The following AKT3 variants were observed in gnomAD, a reference collection of about 807,000 sequenced individuals.
AKT3 encodes RAC-gamma serine/threonine-protein kinase.
In AKT3, 15 loss-of-function variants were observed where a neutral mutation model predicts 65.3. The observed-to-expected ratio is 0.23, with a 90% confidence interval of 0.15 to 0.35. The LOEUF (loss-of-function observed/expected upper bound fraction) is 0.35, where lower values mean the gene tolerates loss of function less well. AKT3 is among the 10% of genes least tolerant of loss of function. The probability of loss-of-function intolerance (pLI) is 1.00; values close to 1 mark genes in which losing one functional copy is unlikely to be tolerated. For missense variants in AKT3, 243 were observed against 576.5 expected (o/e 0.42, Z 5.92); for synonymous variants, 206 against 183.8 (o/e 1.12, Z -0.98).
At chr1:243,767,254 G>C in intron 2 of AKT3, among the ~76,000 whole-genome samples, 1 of 152,158 alleles carries the variant, frequency 6.6e-6, no homozygotes, top group East Asian at 1.9e-4. Flanking sequence ...CATGGGAGAT[G>C]AATGTTTCAA....
At chr1:243,512,831 A>G (rs1670102467) in intron 12 of AKT3, among the ~76,000 whole-genome samples, 1 of 152,200 alleles carries the variant, frequency 6.6e-6, no homozygotes, top group South Asian at 2.1e-4. Flanking sequence ...TAAAAATACA[A>G]CTTAATAATA....
intron 4 of AKT3, among the ~76,000 whole-genome samples, chr1:243,652,676 CA>C (rs1454244395): frequency 7.0e-6 from 1 of 142,714 alleles, no homozygotes; most frequent in Non-Finnish European, 1.5e-5. Context: ...CAAGATCCAT[CA>C]ATGTGCTGTA....
At chr1:243,718,198 G>A (rs1254306755) in intron 2 of AKT3, among the ~76,000 whole-genome samples, 1 of 152,130 alleles carries the variant, frequency 6.6e-6, no homozygotes, top group African/African-American at 2.4e-5. Context: ...TGTAGCTGAA[G>A]CAATTATGAA....
chr1:243,639,081 G>A (rs780097949), intron 5 of AKT3, among the ~76,000 whole-genome samples: 6 of 152,094 alleles, frequency 3.9e-5, no homozygotes, highest in East Asian at 3.8e-4. Flanking sequence ...TAAAAGAAAC[G>A]TAAGAGACTA....
intron 8 of AKT3, among the ~76,000 whole-genome samples, chr1:243,577,362 G>T (rs1198874650): frequency 6.6e-6 from 1 of 152,052 alleles, no homozygotes; most frequent in Non-Finnish European, 1.5e-5. Flanking sequence ...GGCCAGGCTG[G>T]TCTCAAACTC....
chr1:243,601,451 A>T (rs1278118370), intron 8 of AKT3, among the ~76,000 whole-genome samples: 1 of 152,126 alleles, frequency 6.6e-6, no homozygotes, highest in Non-Finnish European at 1.5e-5. Context: ...AAGTGTGGTG[A>T]TGTTGTCAAG....
chr1:243,683,614 G>A (rs1684074348), intron 3 of AKT3, among the ~76,000 whole-genome samples: 1 of 152,120 alleles, frequency 6.6e-6, no homozygotes, highest in African/African-American at 2.4e-5. Flanking sequence ...CTATCAACAA[G>A]TAATAGTTGA....
At position 243,609,720 on chromosome 1, in the gene AKT3, T is replaced by C. The variant is rs189033340; in HGVS notation, c.696+3951A>G. Among the ~76,000 whole-genome samples the C allele has an allele frequency of 3.5e-3, 531 of 152,192 alleles. 1 individual carries two copies. The highest frequency in any genetic ancestry group is 6.8e-3 in the Middle Eastern group (2 of 294). On this transcript the variant is annotated intron_variant, in intron 8 of 13. Transcript: ENST00000673466. ...TCTATAGCCCAATCCAAAACAGAAA[T>C]TCTGAAGAAAAACAAAGATATGCTG...
At chr1:243,634,717 A>G (rs1040551910) in intron 6 of AKT3, among the ~76,000 whole-genome samples, 125 of 152,100 alleles carry the variant, frequency 8.2e-4, no homozygotes, top group Non-Finnish European at 6.0e-4. Context: ...CCAAAAAAAG[A>G]TATTATTAAT....
intron 13 of AKT3, among the ~76,000 whole-genome samples, chr1:243,508,518 T>C (rs1669811043): frequency 6.6e-6 from 1 of 152,144 alleles, no homozygotes; most frequent in South Asian, 2.1e-4. Flanking sequence ...AGCAAGTCCA[T>C]AGCGCCCTCC....
intron 2 of AKT3, among the ~76,000 whole-genome samples, chr1:243,773,604 AAC>A (rs1390534917): frequency 6.6e-6 from 1 of 152,156 alleles, no homozygotes; most frequent in East Asian, 1.9e-4. Flanking sequence ...CAGCCTGGGC[AAC>A]ACAGTGAGAC....
At chr1:243,649,895 G>A (rs1681173329) in intron 4 of AKT3, among the ~76,000 whole-genome samples, 2 of 152,098 alleles carry the variant, frequency 1.3e-5, no homozygotes, top group Non-Finnish European at 2.9e-5. Context: ...TGTCTTTATG[G>A]TAGAATGATT....
intron 8 of AKT3, among the ~76,000 whole-genome samples, chr1:243,608,048 T>C (rs1677562046): frequency 6.6e-6 from 1 of 152,194 alleles, no homozygotes; most frequent in South Asian, 2.1e-4. Context: ...TTACCCCGTC[T>C]GGGGCAGTTC....
chr1:243,622,251 T>TA (rs762158634), intron 6 of AKT3, among the ~76,000 whole-genome samples: 117 of 152,312 alleles, frequency 7.7e-4, no homozygotes, highest in Non-Finnish European at 1.3e-3. Flanking sequence ...TCAAAATATC[T>TA]AAAGGACTTG....
chr1:243,683,454 T>C (rs1244267967), intron 3 of AKT3, among the ~76,000 whole-genome samples: 1 of 152,160 alleles, frequency 6.6e-6, no homozygotes, highest in Non-Finnish European at 1.5e-5. Context: ...GTCAAACACA[T>C]ACACACAAGG....
chr1:243,613,949 A>G (rs1678090214), intron 7 of AKT3, among the ~76,000 whole-genome samples: 1 of 152,174 alleles, frequency 6.6e-6, no homozygotes, highest in African/African-American at 2.4e-5. Flanking sequence ...TATTACAAGA[A>G]AAACTAAAAT....
chr1:243,699,842 T>C (rs1358614444), intron 2 of AKT3, among the ~76,000 whole-genome samples: 1 of 151,948 alleles, frequency 6.6e-6, no homozygotes, highest in African/African-American at 2.4e-5. Flanking sequence ...AAATGTCCTT[T>C]TAAGAGTAAA....
chr1:243,549,398 G>T (rs1349486356), intron 11 of AKT3, among the ~76,000 whole-genome samples: 1 of 151,996 alleles, frequency 6.6e-6, no homozygotes, highest in East Asian at 1.9e-4. Flanking sequence ...GCTTCAGGAA[G>T]GAATCCATCT....
At chr1:243,673,435 T>C (rs1683286996) in intron 3 of AKT3, among the ~76,000 whole-genome samples, 1 of 150,512 alleles carries the variant, frequency 6.6e-6, no homozygotes, top group African/African-American at 2.5e-5. Flanking sequence ...TTTCAGTAAA[T>C]AAAGATCTAC....
Sources: gnomAD v4.1 joint callset for allele counts (sites outside exome capture counted in the v4.1 genomes callset) on GRCh38, gnomAD v4.1.1 for gene constraint, MANE v1.5 for transcripts, NCBI Gene and HGNC (gene_info 2026-07-23, HGNC 2026-07-21) for gene names.